Variants in GABRA3 observed in about 807,000 individuals in gnomAD.
GABRA3 encodes the protein gamma-aminobutyric acid receptor subunit alpha-3.
In GABRA3, 10 loss-of-function variants were observed where a neutral mutation model predicts 30.1. The observed-to-expected ratio is 0.33, with a 90% confidence interval of 0.20 to 0.56. The LOEUF (loss-of-function observed/expected upper bound fraction) is 0.56. Among genes scored for constraint, GABRA3 ranks in the 20% least tolerant of loss-of-function variants. The pLI is 0.89. For synonymous variants in GABRA3, 151 were observed against 146.8 expected (o/e 1.03, Z -0.21); for missense variants, 233 against 392.0 (o/e 0.59, Z 3.42).
intron 1 of GABRA3, among the ~76,000 whole-genome samples, chrX:152,367,098 C>A (rs1928679299): frequency 9.0e-6 from 1 of 111,061 alleles, no homozygotes; most frequent in African/African-American, 3.3e-5. Flanking sequence ...AGTGAAGGAA[C>A]ATCATACGAA....
chrX:152,247,091 A>T (rs1307575230), intron 5 of GABRA3, among the ~76,000 whole-genome samples: 2 of 111,714 alleles, frequency 1.8e-5, no homozygotes, highest in Non-Finnish European at 3.8e-5. Context: ...TAGCCTTCAC[A>T]TAGTTTGTCT....
chrX:152,356,304 A>T (rs1373602544), intron 2 of GABRA3, among the ~76,000 whole-genome samples: 1 of 112,220 alleles, frequency 8.9e-6, no homozygotes, highest in East Asian at 2.8e-4. Context: ...CTGGTCGATA[A>T]ACCACTGTTG....
chrX:152,275,142 ATATATATATTTAATATTATATATATAATT>A (rs1428500677), intron 4 of GABRA3, among the ~76,000 whole-genome samples: 64 of 57,830 alleles, frequency 1.1e-3, no homozygotes, highest in East Asian at 3.6e-3. Flanking sequence ...ATATAATATA[ATATATATATTTAATATTATATATATAATT>A]TATATATATT....
rs374788357 is a variant in GABRA3, at chrX:152,232,329, G to A, written c.552-7484C>T. On this transcript the variant is annotated intron_variant, in intron 5 of 9. Coordinates refer to ENST00000370314, the MANE Select transcript of GABRA3 (RefSeq NM_000808.4). ...TTGTTACACAGATATATTACATAGC[G>A]GTGAAATTACGGTTTTTAGTGTAAC... Among the ~76,000 whole-genome samples, 62 of 109,668 alleles carry A rather than the reference G, an allele frequency of 5.7e-4. 1 individual carries two copies. Among genetic ancestry groups the A allele is most frequent in the East Asian group, 5.2e-3 (18 of 3,469 alleles).
At chrX:152,241,864 C>G (rs896637833) in intron 5 of GABRA3, among the ~76,000 whole-genome samples, 1 of 111,825 alleles carries the variant, frequency 8.9e-6, no homozygotes, top group Non-Finnish European at 1.9e-5. Context: ...TGCTTGGGCT[C>G]GCACACGGTG....
intron 4 of GABRA3, among the ~76,000 whole-genome samples, chrX:152,262,677 C>T (rs913247657): frequency 9.0e-6 from 1 of 111,272 alleles, no homozygotes; most frequent in Non-Finnish European, 1.9e-5. Context: ...CTCAAAACTT[C>T]CCCACATCTT....
intron 3 of GABRA3, among the ~76,000 whole-genome samples, chrX:152,325,907 A>C (rs1314070005): frequency 1.8e-5 from 2 of 111,612 alleles, no homozygotes. Flanking sequence ...AACCTCTCCG[A>C]GCTAAAGGAG....
At chrX:152,364,238 T>G (rs1175533964) in intron 2 of GABRA3, among the ~76,000 whole-genome samples, 193 bp downstream of exon 2, 6 of 111,531 alleles carry the variant, frequency 5.4e-5, no homozygotes. Context: ...GGGTGTTGTC[T>G]AAGAAAAAGA....
intron 9 of GABRA3, among the ~76,000 whole-genome samples, chrX:152,173,046 GT>G (rs749548245): frequency 4.5e-5 from 5 of 110,987 alleles, no homozygotes; most frequent in African/African-American, 6.6e-5. Flanking sequence ...AGTGAGGAAG[GT>G]TAATTAAAAT....
intron 1 of GABRA3, among the ~76,000 whole-genome samples, chrX:152,419,174 G>C (rs1602719952): frequency 9.0e-6 from 1 of 110,873 alleles, no homozygotes; most frequent in South Asian, 3.8e-4. Context: ...ATAGCATTTG[G>C]AGATATACCT....
intron 1 of GABRA3, among the ~76,000 whole-genome samples, chrX:152,365,736 G>A (rs1928642072): frequency 9.0e-6 from 1 of 111,263 alleles, no homozygotes; most frequent in African/African-American, 3.3e-5. Flanking sequence ...TCTGGTTGGT[G>A]AGATTAAGAA....
chrX:152,447,506 T>C (rs776813079), intron 1 of GABRA3, among the ~76,000 whole-genome samples: 1 of 111,872 alleles, frequency 8.9e-6, no homozygotes, highest in East Asian at 2.8e-4. Context: ...TAATGTCAAA[T>C]GGTTCATTCA....
intron 1 of GABRA3, among the ~76,000 whole-genome samples, chrX:152,383,098 A>G (rs1929189129): frequency 9.0e-6 from 1 of 110,504 alleles, no homozygotes; most frequent in Non-Finnish European, 1.9e-5. Context: ...AAAGAAAATT[A>G]CAGGCCAGCC....
intron 4 of GABRA3, among the ~76,000 whole-genome samples, chrX:152,274,972 A>G (rs931033890): frequency 2.9e-5 from 3 of 102,865 alleles, no homozygotes; most frequent in African/African-American, 3.5e-5. Flanking sequence ...GGGTACATGG[A>G]GCCCAATTAC....
In GABRA3 at chrX:152,417,036, A is replaced by C. The variant is rs1203919501; in HGVS notation, c.-27+34110T>G. ...CAAAATTGACAAATGGGATCTAATT[A>C]AACTAAAGAGCTTCTGCACAGCAAA... On this transcript the variant is annotated intron_variant, in intron 1 of 9. Transcript: ENST00000370314. Among the ~76,000 whole-genome samples, 16 of 102,650 alleles carry C rather than the reference A, an allele frequency of 1.6e-4. No homozygotes were observed. The East Asian group carries it at 4.1e-3, about 26-fold the overall frequency. 89.1% of individuals were successfully genotyped at this position (102,650 alleles called of 115,157 possible).
chrX:152,379,949 TGCCTCA>T (rs1373659104), intron 1 of GABRA3, among the ~76,000 whole-genome samples: 1 of 110,563 alleles, frequency 9.0e-6, no homozygotes, highest in African/African-American at 3.3e-5. Context: ...GCGAGTCTCG[TGCCTCA>T]GCCTCCTGAG....
chrX:152,407,069 C>A (rs1603255626), intron 1 of GABRA3, among the ~76,000 whole-genome samples: 1 of 111,499 alleles, frequency 9.0e-6, no homozygotes, highest in South Asian at 3.7e-4. Context: ...CACAACATAT[C>A]AAAGCCTATG....
At chrX:152,237,469 G>C (rs1222851834) in intron 5 of GABRA3, among the ~76,000 whole-genome samples, 1 of 100,853 alleles carries the variant, frequency 9.9e-6, no homozygotes, top group Admixed American at 1.1e-4. Flanking sequence ...GGATTGACTT[G>C]GCAATGCGGG....
chrX:152,266,118 C>T (rs1938819118), intron 4 of GABRA3, among the ~76,000 whole-genome samples: 2 of 111,241 alleles, frequency 1.8e-5, no homozygotes, highest in African/African-American at 6.5e-5. Context: ...GAAGGGAATC[C>T]TATATCAAGA....
Sources: allele counts gnomAD v4.1 joint callset (sites outside exome capture counted in the v4.1 genomes callset), GRCh38; gene constraint gnomAD v4.1.1; transcripts MANE v1.5; gene names NCBI Gene and HGNC (gene_info 2026-07-23, HGNC 2026-07-21).